FGGY: variants seen among roughly 807,000 people sequenced by gnomAD.
FGGY encodes FGGY carbohydrate kinase domain-containing protein.
A neutral mutation model predicts 71.3 loss-of-function variants in FGGY; 72 were observed. The ratio of observed to expected loss-of-function variants is 1.01; its 90% CI spans 0.84 to 1.23. FGGY has a LOEUF of 1.23. Among genes scored for constraint, FGGY ranks in the 50% most tolerant of loss-of-function variants. The pLI, the probability that FGGY is intolerant of heterozygous loss-of-function variation, is 0.00. For synonymous variants in FGGY, 251 were observed against 250.3 expected (o/e 1.00, Z -0.02); for missense variants, 668 against 682.3 (o/e 0.98, Z 0.23).
At chr1:59,342,229 C>T (rs1456719867) in intron 3 of FGGY, among the ~76,000 whole-genome samples, 1 of 152,060 alleles carries the variant, frequency 6.6e-6, no homozygotes, top group African/African-American at 2.4e-5. Context: ...TGAGGTGGAG[C>T]TAGGGTGTCA....
At chr1:59,374,193 A>T (rs2058235139) in intron 4 of FGGY, among the ~76,000 whole-genome samples, 1 of 152,356 alleles carries the variant, frequency 6.6e-6, no homozygotes, top group East Asian at 1.9e-4. Flanking sequence ...CAATGAACTC[A>T]AACAAATTTA....
chr1:59,660,010 A>AT (rs2097259738), intron 11 of FGGY, among the ~76,000 whole-genome samples: 1 of 152,158 alleles, frequency 6.6e-6, no homozygotes, highest in Admixed American at 6.5e-5. Context: ...AGGTCAGGGT[A>AT]TTTTCTCTTG....
intron 7 of FGGY, among the ~76,000 whole-genome samples, chr1:59,536,245 C>A (rs2095311312): frequency 6.6e-6 from 1 of 152,032 alleles, no homozygotes; most frequent in African/African-American, 2.4e-5. Flanking sequence ...TGGATAAATT[C>A]CTCGACACAT....
intron 6 of FGGY, among the ~76,000 whole-genome samples, chr1:59,466,954 A>G (rs190656858): frequency 5.3e-5 from 8 of 152,290 alleles, no homozygotes; most frequent in East Asian, 1.9e-4. Context: ...CAATTCTTCA[A>G]GGATCCAGAA....
intron 6 of FGGY, among the ~76,000 whole-genome samples, chr1:59,503,594 CATATATATATATATAT>C (rs71046332): frequency 2.3e-5 from 3 of 127,698 alleles, no homozygotes; most frequent in East Asian, 4.4e-4. Flanking sequence ...GTGGTGTCGC[CATATATATATATATAT>C]ATATATATAA....
intron 13 of FGGY, among the ~76,000 whole-genome samples, chr1:59,668,993 A>AG (rs1317671199): frequency 3.5e-5 from 5 of 143,060 alleles, no homozygotes; most frequent in African/African-American, 2.8e-5. Flanking sequence ...CTCCATCTCA[A>AG]AAAAAAAAAA....
chr1:59,340,690 G>A (rs766421970), intron 3 of FGGY, among the ~76,000 whole-genome samples: 17 of 152,132 alleles, frequency 1.1e-4, no homozygotes, highest in Non-Finnish European at 1.5e-4. Context: ...TGTCCCTTTT[G>A]GGGAATTTTA....
At chr1:59,646,292 T>C (rs1027679435) in intron 11 of FGGY, among the ~76,000 whole-genome samples, 5 of 152,176 alleles carry the variant, frequency 3.3e-5, no homozygotes, top group Non-Finnish European at 7.4e-5. Flanking sequence ...ATGTTTTTGC[T>C]GTTATTTAAC....
intron 7 of FGGY, among the ~76,000 whole-genome samples, chr1:59,526,724 C>T (rs1285312794): frequency 1.3e-5 from 2 of 152,166 alleles, no homozygotes; most frequent in African/African-American, 4.8e-5. Flanking sequence ...TTTGGTGTGG[C>T]CACCTCGCCA....
chr1:59,610,408 C>A (rs1368598888), intron 9 of FGGY, among the ~76,000 whole-genome samples: 2 of 152,186 alleles, frequency 1.3e-5, no homozygotes, highest in East Asian at 3.9e-4. Flanking sequence ...GCAAAGAGAT[C>A]TCATGCCTTT....
At chr1:59,564,044 A>G (rs989628174) in intron 8 of FGGY, among the ~76,000 whole-genome samples, 1 of 152,222 alleles carries the variant, frequency 6.6e-6, no homozygotes, top group Non-Finnish European at 1.5e-5. Context: ...TTAACTCAAG[A>G]TGGATTAAAG....
intron 7 of FGGY, among the ~76,000 whole-genome samples, chr1:59,544,609 G>T (rs1258223693): frequency 6.6e-6 from 1 of 152,156 alleles, no homozygotes; most frequent in African/African-American, 2.4e-5. Context: ...GCCATATTTT[G>T]GGATAGCATG....
chr1:59,642,678 C>T (rs1330336157), intron 11 of FGGY, among the ~76,000 whole-genome samples: 2 of 148,230 alleles, frequency 1.3e-5, no homozygotes, highest in East Asian at 4.1e-4. Flanking sequence ...CTGGGAAATA[C>T]TGAACATGTG....
chr1:59,383,819 A>G (rs1327928499), intron 5 of FGGY, among the ~76,000 whole-genome samples: 2 of 152,152 alleles, frequency 1.3e-5, no homozygotes, highest in Non-Finnish European at 2.9e-5. Flanking sequence ...TTTCTCACCC[A>G]TCCGGATCAA....
intron 12 of FGGY, among the ~76,000 whole-genome samples, chr1:59,665,216 A>G (rs114200258): frequency 0.037 from 5,643 of 152,216 alleles, 211 homozygotes; most frequent in African/African-American, 0.099. Flanking sequence ...CATATTCTCA[A>G]GGGGGTTCAT....
At chr1:59,627,843 G>A (rs2096874009) in intron 10 of FGGY, among the ~76,000 whole-genome samples, 1 of 152,092 alleles carries the variant, frequency 6.6e-6, no homozygotes, top group East Asian at 1.9e-4. Flanking sequence ...AAAATAAACA[G>A]TAATAGCGTA....
At chr1:59,645,833 T>A (rs1375902446) in intron 11 of FGGY, among the ~76,000 whole-genome samples, 1 of 152,218 alleles carries the variant, frequency 6.6e-6, no homozygotes, top group Non-Finnish European at 1.5e-5. Flanking sequence ...TTTCTCTGCT[T>A]CATGTTAAAA....
At position 59,607,887 on chromosome 1, in the gene FGGY, G is replaced by A. The variant is rs1572023690; in HGVS notation, c.988G>A (p.Gly330Ser). 2 of 1,613,942 alleles carry A rather than the reference G, an allele frequency of 1.2e-6. No homozygotes were observed. The highest frequency in any genetic ancestry group is 2.2e-5 in the South Asian group (2 of 91,056). The change falls in exon 9 of 16, where the codon GGT (glycine) becomes AGT (serine). Residue 330 changes from glycine to serine, a missense_variant. Physicochemically the swap from Gly to Ser is moderately conservative, Grantham distance 56. Transcript: ENST00000303721. Reference protein sequence around the residue: ...MVPGFWLNEGGQSVTGKLIDH... With the variant: ...MVPGFWLNEGSQSVTGKLIDH... ...ACCTGGGTTCTGGCTGAATGAAGGT[G>A]GTCAGAGCGTTACTGGAAAATTGGT...
intron 8 of FGGY, among the ~76,000 whole-genome samples, chr1:59,564,891 C>CT: frequency 6.6e-6 from 1 of 152,184 alleles, no homozygotes; most frequent in Non-Finnish European, 1.5e-5. Context: ...GGGAATCTAT[C>CT]TATCAGATGG....
Sources: allele counts gnomAD v4.1 joint callset (sites outside exome capture counted in the v4.1 genomes callset), GRCh38; gene constraint gnomAD v4.1.1; transcripts MANE v1.5; gene names NCBI Gene and HGNC (gene_info 2026-07-23, HGNC 2026-07-21).